TVP23C: variants seen among roughly 807,000 people sequenced by gnomAD.
TVP23C encodes Golgi apparatus membrane protein TVP23 homolog C.
In TVP23C, 19 loss-of-function variants were observed where a neutral mutation model predicts 28.7. That is an observed-to-expected ratio of 0.66 (90% CI 0.46 to 0.97). The LOEUF is 0.97. TVP23C is among the 50% of genes least tolerant of loss of function. The pLI is 0.00. For synonymous variants in TVP23C, 68 were observed against 81.7 expected, an observed-to-expected ratio of 0.83 and a Z score of 0.90; for missense variants, 186 against 241.3, an observed-to-expected ratio of 0.77 and a Z score of 1.52.
Position 15,502,852 on chromosome 17 carries a change from T to G in TVP23C, c.*12A>C, listed in dbSNP as rs778459026. 1.9e-6 allele frequency: 3 copies of G among 1,564,152 alleles called. No homozygotes were observed. The South Asian group carries it at 3.6e-5, about 19-fold the overall frequency. ...TCTCTCCTGCGAGGAGCTTCAGATTTGTGGGTTGTTTTTAATGCATTCCGG... is the reference window on the plus strand; with the variant it reads ...TCTCTCCTGCGAGGAGCTTCAGATTGGTGGGTTGTTTTTAATGCATTCCGG... On this transcript the variant is annotated 3_prime_UTR_variant, in exon 6 of 6. Transcript: ENST00000225576.
intron 5 of TVP23C, among the ~76,000 whole-genome samples, chr17:15,508,108 G>C (rs1408455849): frequency 1.3e-5 from 2 of 152,184 alleles, no homozygotes; most frequent in Non-Finnish European, 2.9e-5. Context: ...TGACCATTCA[G>C]TCAGATCAAC....
At chr17:15,526,191 C>T (rs1298993695) in intron 5 of TVP23C, among the ~76,000 whole-genome samples, 1 of 151,836 alleles carries the variant, frequency 6.6e-6, no homozygotes, top group Non-Finnish European at 1.5e-5. Context: ...TACAGAGATG[C>T]CTCTTAAATG....
At chr17:15,526,977 C>A (rs1322549366) in intron 5 of TVP23C, among the ~76,000 whole-genome samples, 2 of 152,152 alleles carry the variant, frequency 1.3e-5, no homozygotes, top group African/African-American at 4.8e-5. Flanking sequence ...TAAGTTCCTG[C>A]ACTAGGCCCC....
At chr17:15,561,350 G>C (rs1056773455) in intron 1 of TVP23C, among the ~76,000 whole-genome samples, 2 of 152,208 alleles carry the variant, frequency 1.3e-5, no homozygotes, top group African/African-American at 4.8e-5. Flanking sequence ...TGTAATCCTA[G>C]CACTTTGGAA....
At chr17:15,502,755 T>TC (rs1567627278) in exon 6 of TVP23C, 7 of 1,394,938 alleles carry the variant, frequency 5.0e-6, no homozygotes, top group Non-Finnish European at 5.7e-6. Flanking sequence ...CTCCCGTCTC[T>TC]TTCTCTCCTT....
intron 5 of TVP23C, among the ~76,000 whole-genome samples, chr17:15,525,323 T>C (rs1323456637): frequency 6.6e-6 from 1 of 152,232 alleles, no homozygotes; most frequent in Non-Finnish European, 1.5e-5. Context: ...AAGCGTGTGA[T>C]GGTTAATTTT....
intron 5 of TVP23C, chr17:15,506,973 T>C (rs1981779016): frequency 7.9e-7 from 1 of 1,262,830 alleles, no homozygotes; most frequent in Non-Finnish European, 1.1e-6. Flanking sequence ...CAGAAAACTT[T>C]CATGCTCTAA....
chr17:15,560,379 T>C (rs116733252), intron 1 of TVP23C, among the ~76,000 whole-genome samples: 2,472 of 149,070 alleles, frequency 0.017, 120 homozygotes, highest in African/African-American at 0.057. Context: ...ACTGTATTTT[T>C]AACAGGTCAT....
intron 5 of TVP23C, chr17:15,507,106 T>G: frequency 2.9e-6 from 3 of 1,027,330 alleles, no homozygotes; most frequent in Non-Finnish European, 3.0e-6. Flanking sequence ...GGGGAGAAAT[T>G]TGATGTCGAG....
At chr17:15,543,968 T>G (rs1171441908) in intron 5 of TVP23C, among the ~76,000 whole-genome samples, 1 of 152,116 alleles carries the variant, frequency 6.6e-6, no homozygotes, top group East Asian at 1.9e-4. Context: ...GAAAAAATTT[T>G]CCTGATTCCA....
chr17:15,504,867 C>T (rs1026365745), intron 5 of TVP23C, among the ~76,000 whole-genome samples: 6 of 152,086 alleles, frequency 3.9e-5, no homozygotes, highest in Admixed American at 3.9e-4. Context: ...ATTTCTGGTG[C>T]ATCAAGAAGG....
chr17:15,559,559 G>A lies in TVP23C; in HGVS notation c.12+3878C>T, dbSNP rs1485128456. Among the ~76,000 whole-genome samples the A allele has an allele frequency of 9.4e-5, 14 of 148,650 alleles. 1 individual carries two copies. The highest frequency in any genetic ancestry group is 3.4e-4 in the Admixed American group (5 of 14,640). On this transcript the variant is annotated intron_variant, in intron 1 of 5. Transcript: ENST00000518321. The stretch of plus-strand genomic sequence containing the variant: ...CTCACCTGTTAGAAAGAGAATTCTG[G>A]CTACTGTAGTAAAAATCTGGAGGGG...
At chr17:15,517,371 T>C (rs992141965) in intron 5 of TVP23C, among the ~76,000 whole-genome samples, 4 of 152,180 alleles carry the variant, frequency 2.6e-5, no homozygotes, top group Non-Finnish European at 4.4e-5. Context: ...GAGAAATGGG[T>C]ACTGATCTCT....
downstream of TVP23C, among the ~76,000 whole-genome samples, chr17:15,535,107 A>T (rs1460887733): frequency 6.7e-6 from 1 of 149,644 alleles, no homozygotes; most frequent in Non-Finnish European, 1.5e-5. Flanking sequence ...TTCAGTCTTA[A>T]TGAAATGATT....
At chr17:15,502,821 T>C (rs1283480352) in exon 6 of TVP23C, 1 of 1,525,056 alleles carries the variant, frequency 6.6e-7, no homozygotes. Flanking sequence ...TCTCTCTCTC[T>C]CTCTCTCTCT....
At chr17:15,514,092 T>C (rs539284654) in intron 5 of TVP23C, among the ~76,000 whole-genome samples, 6 of 152,362 alleles carry the variant, frequency 3.9e-5, no homozygotes, top group Non-Finnish European at 8.8e-5. Flanking sequence ...CTATTTACTC[T>C]GGGCTACTTG....
intron 1 of TVP23C, among the ~76,000 whole-genome samples, chr17:15,557,297 T>TG (rs1984176976): frequency 6.8e-6 from 1 of 146,510 alleles, no homozygotes; most frequent in South Asian, 2.3e-4. Context: ...AAGGTTTTTT[T>TG]TTTTTTTTTT....
Position 15,537,937 on chromosome 17 carries a change from C to T in TVP23C, c.*2475G>A, listed in dbSNP as rs1983225482. 1 of 1,446,610 alleles carries T rather than the reference C, an allele frequency of 6.9e-7. No individual in the cohort carries two copies. The highest frequency in any genetic ancestry group is 9.1e-7 in the Non-Finnish European group (1 of 1,101,952). 89.6% of individuals were successfully genotyped at this position (1,446,610 alleles called of 1,614,324 possible). A position where few individuals can be genotyped will look rare whatever the true frequency, so the allele number is the denominator to read the frequency against. Reference sequence around the variant, plus strand: ...TGTTTCTAGTGCCAACATATACTTTCTAGCCCCAACTGCTGGAAAGGAAAT... The same window carrying T: ...TGTTTCTAGTGCCAACATATACTTTTTAGCCCCAACTGCTGGAAAGGAAAT... On this transcript the variant is annotated 3_prime_UTR_variant, in exon 6 of 6. Coordinates refer to ENST00000518321, the MANE Select transcript of TVP23C (RefSeq NM_001135036.2).
chr17:15,554,261 G>A (rs1456212739), intron 2 of TVP23C, among the ~76,000 whole-genome samples: 9 of 134,588 alleles, frequency 6.7e-5, no homozygotes, highest in East Asian at 2.4e-4. Flanking sequence ...TTTTTGAGAC[G>A]GAGTCTCGCT....
Sources: allele counts gnomAD v4.1 joint callset (sites outside exome capture counted in the v4.1 genomes callset), GRCh38; gene constraint gnomAD v4.1.1; transcripts MANE v1.5; gene names NCBI Gene and HGNC (gene_info 2026-07-23, HGNC 2026-07-21).